The following ASXL1 variants were observed in gnomAD, a reference collection of about 807,000 sequenced individuals.
ASXL1 encodes the protein ASXL transcriptional regulator 1, also known as polycomb group protein ASXL1.
ASXL1 carries 65 observed loss-of-function variants against 89.1 expected under a neutral mutation model. The observed-to-expected ratio is 0.73, with a 90% CI of 0.60 to 0.90. The LOEUF is 0.90. Among genes scored for constraint, ASXL1 ranks in the 40% least tolerant of loss-of-function variants. ASXL1 has a pLI of 0.00. For missense variants in ASXL1, 1,786 were observed against 1,942.9 expected (o/e 0.92, Z 1.52); for synonymous variants, 739 against 746.9 (o/e 0.99, Z 0.17).
At chr20:32,378,999 G>T (rs1303852446) in intron 4 of ASXL1, among the ~76,000 whole-genome samples, 2 of 151,360 alleles carry the variant, frequency 1.3e-5, no homozygotes, top group African/African-American at 4.8e-5. Context: ...AGGTGTGGTG[G>T]TGAACGCCTG....
rs1420950668 is a variant in ASXL1, at chr20:32,414,896, G to A, written c.253-13232G>A. Reference sequence around the variant, plus strand: ...TGCCATCTACATGACAGTAGGCTGTGGTTGGGGTCATAGTACTACTACTAT... The same window carrying A: ...TGCCATCTACATGACAGTAGGCTGTAGTTGGGGTCATAGTACTACTACTAT... On this transcript the variant is annotated intron_variant, in intron 4 of 12. Coordinates refer to ENST00000375687, the MANE Select transcript of ASXL1 (RefSeq NM_015338.6). Among the ~76,000 whole-genome samples the A allele has an allele frequency of 2.0e-5, 3 of 152,180 alleles. No homozygotes were observed. The South Asian group carries it at 6.2e-4, about 32-fold the overall frequency.
chr20:32,421,297 T>C (rs2049244931), intron 4 of ASXL1, among the ~76,000 whole-genome samples: 1 of 149,960 alleles, frequency 6.7e-6, no homozygotes, highest in South Asian at 2.1e-4. Context: ...TTAGGCAAAT[T>C]AAAATGAAAA....
intron 1 of ASXL1, among the ~76,000 whole-genome samples, chr20:32,365,974 A>G (rs1292769022): frequency 6.6e-6 from 1 of 152,148 alleles, no homozygotes; most frequent in Non-Finnish European, 1.5e-5. Flanking sequence ...AAATACAAAA[A>G]TTAGTGTGTG....
chr20:32,431,234 G>A, intron 8 of ASXL1, 87 bp from the exon 9 acceptor site: 1 of 1,537,310 alleles, frequency 6.5e-7, no homozygotes, highest in Non-Finnish European at 8.9e-7. Flanking sequence ...GGGTAGCTTG[G>A]GTGCTGTCAC....
intron 6 of ASXL1, chr20:32,428,730 C>T (rs557351070): frequency 6.2e-6 from 2 of 320,444 alleles, no homozygotes; most frequent in South Asian, 2.8e-5. Context: ...GCATGATCTC[C>T]GCTTACTGCA....
In ASXL1 at chr20:32,435,952, ACTG is replaced by A. The variant is rs754183801; in HGVS notation, c.3244_3246del (p.Leu1082del). ...TCCGCCAAAAGATCCCAGATTCCCT[ACTG>A]CTGGCCAGTACTGAGTACCAGCCAA... On this transcript the variant is annotated inframe_deletion, in exon 13 of 13. Coordinates refer to ENST00000375687, the MANE Select transcript of ASXL1 (RefSeq NM_015338.6). 38 of 1,613,974 alleles carry A rather than the reference ACTG, an allele frequency of 2.4e-5. No homozygotes were observed. The highest frequency in any genetic ancestry group is 3.2e-5 in the Non-Finnish European group (38 of 1,180,030).
rs57819684 is a variant in ASXL1, at chr20:32,423,401, T to TTGTG, written c.253-4717_253-4714dup. Among the ~76,000 whole-genome samples the TTGTG allele has an allele frequency of 6.0e-4, 91 of 151,098 alleles. 1 individual carries two copies. In the East Asian group the frequency reaches 0.013, roughly 22 times the overall value. On this transcript the variant is annotated intron_variant, in intron 4 of 12. Coordinates refer to ENST00000375687, the MANE Select transcript of ASXL1 (RefSeq NM_015338.6). ...TGTGCCACCATGCCTAGCTAATTTT[T>TTGTG]TGTGTGTGTGTGTATATTTAGTAGG... is the stretch of plus-strand genomic sequence containing the variant.
At chr20:32,426,952 G>T (rs1353945201) in intron 4 of ASXL1, 1 of 152,200 alleles carries the variant, frequency 6.6e-6, no homozygotes, top group Non-Finnish European at 1.5e-5. Context: ...AGAGACTCAT[G>T]AAATTGATGA....
intron 4 of ASXL1, among the ~76,000 whole-genome samples, chr20:32,404,873 T>A (rs978879475): frequency 3.3e-5 from 5 of 152,254 alleles, no homozygotes; most frequent in Non-Finnish European, 7.3e-5. Flanking sequence ...TGTCAAAGTT[T>A]CTGCATTGAT....
intron 4 of ASXL1, among the ~76,000 whole-genome samples, chr20:32,403,822 A>G (rs2048913238): frequency 6.6e-6 from 1 of 152,066 alleles, no homozygotes; most frequent in Non-Finnish European, 1.5e-5. Flanking sequence ...CATCTTGGCC[A>G]TGTTGTCTTC....
chr20:32,435,864 G>A lies in ASXL1; in HGVS notation c.3152G>A (p.Arg1051His), dbSNP rs771896604. Residue 1051 changes from arginine (R) to histidine (H), a missense_variant, in exon 13 of 13, where the codon CGT becomes CAT. By Grantham distance (29) the Arg-to-His change is conservative (BLOSUM62 0). Coordinates refer to ENST00000375687, the MANE Select transcript of ASXL1 (RefSeq NM_015338.6). ...CTGTCCAAGGTGAATGGTGACATGCGTCTGGTTACAAGGACAGATGGGATG... is the reference window on the plus strand; with the variant it reads ...CTGTCCAAGGTGAATGGTGACATGCATCTGGTTACAAGGACAGATGGGATG... The part of the protein sequence containing the change: ...APLSKVNGDM[R>H]LVTRTDGMVA... 1.1e-5 allele frequency: 18 copies of A among 1,614,082 alleles called. No individual in the cohort carries two copies. Among genetic ancestry groups the A allele is most frequent in the South Asian group, 2.2e-5 (2 of 91,088 alleles).
At chr20:32,381,400 C>T (rs1352015609) in intron 4 of ASXL1, among the ~76,000 whole-genome samples, 4 of 151,848 alleles carry the variant, frequency 2.6e-5, no homozygotes, top group Admixed American at 2.6e-4. Context: ...AGAGGTCTTA[C>T]TGTGTTGCCC....
chr20:32,359,129 T>A, intron 1 of ASXL1: 1 of 616,092 alleles, frequency 1.6e-6, no homozygotes, highest in South Asian at 1.9e-5. Flanking sequence ...GGGTCCCGCG[T>A]CCCCTCCCCC....
intron 4 of ASXL1, among the ~76,000 whole-genome samples, chr20:32,422,832 G>A (rs900907155): frequency 5.3e-5 from 8 of 151,910 alleles, no homozygotes; most frequent in Non-Finnish European, 1.2e-4. Context: ...TGATCCACCC[G>A]CCTTGGCCTC....
At chr20:32,372,417 T>C (rs1811269155) in intron 4 of ASXL1, 1 of 1,095,798 alleles carries the variant, frequency 9.1e-7, no homozygotes, top group Non-Finnish European at 1.1e-6. Flanking sequence ...TTGTGCTCTT[T>C]TAATGGATTA....
intron 4 of ASXL1, among the ~76,000 whole-genome samples, chr20:32,394,933 C>T (rs570474903): frequency 3.9e-5 from 6 of 152,034 alleles, no homozygotes; most frequent in Non-Finnish European, 7.4e-5. Context: ...CAGCAGGTCT[C>T]GAACTCCTGA....
intron 8 of ASXL1, chr20:32,430,883 C>T: frequency 2.3e-6 from 1 of 428,244 alleles, no homozygotes; most frequent in East Asian, 4.2e-5. Flanking sequence ...TACATTTCTG[C>T]ATGGAGATCA....
At chr20:32,405,993 CA>C (rs1183718974) in intron 4 of ASXL1, among the ~76,000 whole-genome samples, 4 of 151,898 alleles carry the variant, frequency 2.6e-5, no homozygotes, top group Non-Finnish European at 4.4e-5. Flanking sequence ...GTAATATATA[CA>C]GTCATAGTTA....
In ASXL1 at chr20:32,369,122, A is replaced by C; in HGVS notation, c.251A>C (p.Lys84Thr). 1 of 1,602,288 alleles carries C rather than the reference A, an allele frequency of 6.2e-7. No individual in the cohort carries two copies. Among genetic ancestry groups the C allele is most frequent in the Non-Finnish European group, 8.6e-7 (1 of 1,169,130 alleles). Reference sequence around the variant, plus strand: ...GGCCGAATCAGCCTTTTCACGCTCAAGGTAAGTGATATGAACTCTCTTTTG... The same window carrying C: ...GGCCGAATCAGCCTTTTCACGCTCACGGTAAGTGATATGAACTCTCTTTTG... ...LPGRISLFTLKKDALQWSRHP... is the reference protein window; with the variant it reads ...LPGRISLFTLTKDALQWSRHP... The change falls in exon 4 of 13, where the codon AAG (lysine) becomes ACG (threonine). Residue 84 changes from lysine to threonine, a missense_variant and splice_region_variant. Physicochemically the swap from Lys to Thr is moderately conservative, Grantham distance 78 (BLOSUM62 -1). Transcript: ENST00000375687.
Sources: allele counts gnomAD v4.1 joint callset (sites outside exome capture counted in the v4.1 genomes callset), GRCh38; gene constraint gnomAD v4.1.1; transcripts MANE v1.5; gene names NCBI Gene and HGNC (gene_info 2026-07-23, HGNC 2026-07-21).